RBPMS: variants seen among roughly 807,000 people sequenced by gnomAD.
RBPMS encodes the protein RNA-binding protein with multiple splicing.
Under a neutral mutation model 26.8 loss-of-function variants are expected in RBPMS, and 7 were observed. The observed-to-expected ratio is 0.26, with a 90% CI of 0.15 to 0.49. RBPMS has a LOEUF of 0.49. RBPMS is among the 20% of genes least tolerant of loss of function. The pLI is 0.98. For missense variants in RBPMS, 186 were observed against 250.0 expected, an observed-to-expected ratio of 0.74 and a Z score of 1.73; for synonymous variants, 96 against 93.3, an observed-to-expected ratio of 1.03 and a Z score of -0.17.
At chr8:30,516,442 T>C (rs1367021446) in intron 5 of RBPMS, among the ~76,000 whole-genome samples, 2 of 152,110 alleles carry the variant, frequency 1.3e-5, no homozygotes, top group African/African-American at 2.4e-5. Flanking sequence ...TTAAAATGGG[T>C]CTTTTATTTC....
intron 6 of RBPMS, 96 bp downstream of exon 6, chr8:30,544,720 A>G: frequency 1.9e-6 from 3 of 1,602,774 alleles, no homozygotes; most frequent in Non-Finnish European, 2.5e-6. Flanking sequence ...ACACCTATCC[A>G]GCTAACAGAT....
chr8:30,492,710 C>T (rs962215115), intron 4 of RBPMS, among the ~76,000 whole-genome samples: 1 of 152,162 alleles, frequency 6.6e-6, no homozygotes, highest in South Asian at 2.1e-4. Flanking sequence ...CATAAACCCC[C>T]CTACTTTTTC....
intron 1 of RBPMS, among the ~76,000 whole-genome samples, chr8:30,426,060 TCCCTTGACTGCACTGC>T (rs1811321657): frequency 2.6e-5 from 4 of 152,142 alleles, no homozygotes; most frequent in African/African-American, 9.7e-5. Context: ...TTACTTACAG[TCCCTTGACTGCACTGC>T]TTTAAAGACG....
chr8:30,493,546 G>A (rs1246651180), intron 4 of RBPMS, among the ~76,000 whole-genome samples: 1 of 151,940 alleles, frequency 6.6e-6, no homozygotes, highest in African/African-American at 2.4e-5. Flanking sequence ...CAGAGTTCTC[G>A]GTGTAAAAAT....
At chr8:30,435,353 G>A (rs1310439483) in intron 1 of RBPMS, among the ~76,000 whole-genome samples, 4 of 152,112 alleles carry the variant, frequency 2.6e-5, no homozygotes, top group African/African-American at 9.7e-5. Flanking sequence ...AAACACTTCT[G>A]GTCCCAGGCA....
chr8:30,413,499 A>C (rs1266531996), intron 1 of RBPMS, among the ~76,000 whole-genome samples: 1 of 152,194 alleles, frequency 6.6e-6, no homozygotes, highest in African/African-American at 2.4e-5. Flanking sequence ...AATGATAGCT[A>C]CTCTCAGCCT....
chr8:30,550,630 C>T lies in RBPMS; in HGVS notation c.528+6006C>T, dbSNP rs75950660. On this transcript the variant is annotated intron_variant, in intron 6 of 8. Transcript: ENST00000397323. The stretch of plus-strand genomic sequence containing the variant: ...AAGACTGGAAAGCATGAATGAATGA[C>T]GGGAGTAAGATGAGGCATTGCAGTG... 8.7e-3 allele frequency among the ~76,000 whole-genome samples: 1,328 copies of T among 152,246 alleles called. 15 individuals carry two copies. Among genetic ancestry groups the T allele is most frequent in the African/African-American group, 0.031 (1,273 of 41,554 alleles).
At chr8:30,493,642 G>T (rs2150895794) in intron 4 of RBPMS, among the ~76,000 whole-genome samples, 1 of 152,202 alleles carries the variant, frequency 6.6e-6, no homozygotes, top group East Asian at 1.9e-4. Flanking sequence ...ATTTCAAAGT[G>T]TCACTGTAAA....
chr8:30,432,694 A>G (rs577791185), intron 1 of RBPMS, among the ~76,000 whole-genome samples: 1 of 152,344 alleles, frequency 6.6e-6, no homozygotes, highest in South Asian at 2.1e-4. Flanking sequence ...AGTCAGGGTA[A>G]TAGCTGGTGT....
In RBPMS at chr8:30,515,485, G is replaced by C. The variant is rs187045348; in HGVS notation, c.397+11049G>C. Among the ~76,000 whole-genome samples the C allele has an allele frequency of 2.0e-5, 3 of 152,036 alleles. No homozygotes were observed. The East Asian group carries it at 5.8e-4, about 29-fold the overall frequency. On this transcript the variant is annotated intron_variant, in intron 5 of 8. Transcript: ENST00000397323. The stretch of plus-strand genomic sequence containing the variant: ...GACCATATTTTTTTCATATACTACA[G>C]CCAATACAATATGTTACAATAGATT...
At chr8:30,509,195 T>C (rs1821343125) in intron 5 of RBPMS, among the ~76,000 whole-genome samples, 1 of 152,186 alleles carries the variant, frequency 6.6e-6, no homozygotes, top group South Asian at 2.1e-4. Context: ...TAAAGTTAAA[T>C]TCTCCTTCCT....
At chr8:30,445,672 A>G (rs992483254) in intron 1 of RBPMS, among the ~76,000 whole-genome samples, 4 of 135,894 alleles carry the variant, frequency 2.9e-5, no homozygotes, top group East Asian at 2.3e-4. Context: ...ATATATATAT[A>G]TATGTATTTT....
At chr8:30,557,151 G>A (rs1324514141) in intron 6 of RBPMS, among the ~76,000 whole-genome samples, 4 of 152,146 alleles carry the variant, frequency 2.6e-5, no homozygotes, top group Non-Finnish European at 4.4e-5. Flanking sequence ...TGGCATGGTC[G>A]CCAGAAGAGA....
At chr8:30,548,078 C>T (rs778042867) in intron 6 of RBPMS, among the ~76,000 whole-genome samples, 6 of 152,126 alleles carry the variant, frequency 3.9e-5, no homozygotes, top group Non-Finnish European at 8.8e-5. Flanking sequence ...AAAGAGCGAC[C>T]CTGTGCAGCA....
chr8:30,554,882 C>T (rs1303112622), intron 6 of RBPMS, among the ~76,000 whole-genome samples: 1 of 152,056 alleles, frequency 6.6e-6, no homozygotes, highest in South Asian at 2.1e-4. Context: ...GGGATTCAGC[C>T]CCTAGAAAGG....
At chr8:30,556,205 G>C (rs1167832006) in intron 6 of RBPMS, 2 of 985,282 alleles carry the variant, frequency 2.0e-6, no homozygotes, top group African/African-American at 3.5e-5. Flanking sequence ...CCACTCTGAG[G>C]AGCAGCCACC....
At chr8:30,548,991 G>A (rs753083514) in intron 6 of RBPMS, among the ~76,000 whole-genome samples, 2 of 152,244 alleles carry the variant, frequency 1.3e-5, no homozygotes, top group Non-Finnish European at 2.9e-5. Context: ...ACCTCAGTGC[G>A]CACACAGCTC....
intron 5 of RBPMS, among the ~76,000 whole-genome samples, chr8:30,509,830 C>G (rs1821402486): frequency 6.6e-6 from 1 of 151,988 alleles, no homozygotes; most frequent in Non-Finnish European, 1.5e-5. Flanking sequence ...TCATTTTTTT[C>G]TCATAACCAA....
intron 1 of RBPMS, among the ~76,000 whole-genome samples, chr8:30,433,225 G>A (rs575288024): frequency 1.4e-4 from 22 of 152,072 alleles, no homozygotes; most frequent in Admixed American, 8.5e-4. Context: ...TTCTTTCTGG[G>A]GCCTAAGTTA....
Sources: allele counts gnomAD v4.1 joint callset (sites outside exome capture counted in the v4.1 genomes callset), GRCh38; gene constraint gnomAD v4.1.1; transcripts MANE v1.5; gene names NCBI Gene and HGNC (gene_info 2026-07-23, HGNC 2026-07-21).